Variants in TRERF1 observed in about 807,000 individuals in gnomAD.
The protein encoded by TRERF1 is transcriptional regulating factor 1, also known as transcriptional-regulating factor 1.
Under a neutral mutation model 122.9 loss-of-function variants are expected in TRERF1, and 27 were observed. The ratio of observed to expected loss-of-function variants is 0.22; its 90% CI spans 0.16 to 0.30. The LOEUF (loss-of-function observed/expected upper bound fraction) is 0.30, where lower values mean the gene tolerates loss of function less well. Ranked by LOEUF, TRERF1 falls within the 10% of genes least tolerant of loss-of-function variation. TRERF1 has a pLI of 1.00. For missense variants in TRERF1, 1,248 were observed against 1,560.3 expected (o/e 0.80, Z 3.37); for synonymous variants, 636 against 641.7 (o/e 0.99, Z 0.13).
At chr6:42,296,997 T>G (rs1785218698) in intron 4 of TRERF1, among the ~76,000 whole-genome samples, 1 of 152,220 alleles carries the variant, frequency 6.6e-6, no homozygotes, top group African/African-American at 2.4e-5. Context: ...AACATTTTGG[T>G]AGCAACTCAT....
Position 42,232,976 on chromosome 6 carries a change from T to G in TRERF1, c.3067-84A>C. On this transcript the variant is annotated intron_variant, in intron 16 of 17. Coordinates refer to ENST00000372922, the Ensembl canonical transcript of TRERF1. The surrounding 1 kb of genome is among the most constrained non-coding windows in gnomAD (Gnocchi z 4.5). ...TAGTTACTCAGTGGTAAACATGGAA[T>G]ACTTGAAACTGTCTAATGACAGGGC... is the stretch of plus-strand genomic sequence containing the variant. The G allele has an allele frequency of 6.8e-7, 1 of 1,466,352 alleles. No individual in the cohort carries two copies. The highest frequency in any genetic ancestry group is 9.1e-7 in the Non-Finnish European group (1 of 1,104,820). The allele number at this position is 1,466,352 out of a possible 1,614,324, so 90.8% of individuals were successfully genotyped here.
chr6:42,254,759 C>T (rs997701061), intron 13 of TRERF1, 92 bp downstream of exon 13: 108 of 1,166,888 alleles, frequency 9.3e-5, no homozygotes, highest in Non-Finnish European at 9.5e-5. Flanking sequence ...AGGACAGAAC[C>T]GGTGTTATCC....
chr6:42,400,733 G>C (rs1171384735), intron 2 of TRERF1, among the ~76,000 whole-genome samples: 1 of 152,180 alleles, frequency 6.6e-6, no homozygotes, highest in East Asian at 1.9e-4. Context: ...AATAAAAAAG[G>C]AGGCAGGTGT....
At chr6:42,302,768 A>G (rs1786447665) in intron 3 of TRERF1, among the ~76,000 whole-genome samples, 1 of 152,246 alleles carries the variant, frequency 6.6e-6, no homozygotes, top group African/African-American at 2.4e-5. Flanking sequence ...GGAGCTAAGC[A>G]TGGCACGGGT....
chr6:42,369,918 G>A (rs1773465212), intron 2 of TRERF1, among the ~76,000 whole-genome samples: 1 of 152,092 alleles, frequency 6.6e-6, no homozygotes, highest in African/African-American at 2.4e-5. Context: ...AGTCTCTTCT[G>A]TAACCACAAA....
In TRERF1 at chr6:42,269,433, A is replaced by C; in HGVS notation, c.158T>G (p.Ile53Ser). The C allele has an allele frequency of 6.2e-7, 1 of 1,614,086 alleles. No homozygotes were observed. Reference sequence around the variant, plus strand: ...TGTATCTTGAGGGAAGTGGGGGGAGATTGGCGAGGCCTGAGGGGCATCCAT... The same window carrying C: ...TGTATCTTGAGGGAAGTGGGGGGAGCTTGGCGAGGCCTGAGGGGCATCCAT... The change falls in exon 5 of 18, where the codon ATC becomes AGC. Residue 53 changes from isoleucine to serine, a missense_variant. By Grantham distance (142) the Ile-to-Ser change is moderately radical. This residue lies in a region of TRERF1 where 946 missense variants were observed against 1,073.0 expected (regional missense o/e 0.88). Transcript: ENST00000372922. The surrounding 1 kb of genome is among the most constrained non-coding windows in gnomAD (Gnocchi z 4.9).
intron 3 of TRERF1, among the ~76,000 whole-genome samples, chr6:42,308,168 A>G (rs1257946641): frequency 6.6e-6 from 1 of 152,232 alleles, no homozygotes; most frequent in African/African-American, 2.4e-5. Flanking sequence ...CTTGCACACA[A>G]ATGTTCCTAG....
chr6:42,251,539 T>A (rs971527201), intron 13 of TRERF1, among the ~76,000 whole-genome samples: 7 of 152,120 alleles, frequency 4.6e-5, no homozygotes, highest in East Asian at 1.9e-4. Context: ...TTTTTTTTTT[T>A]AATTTAAACC....
intron 3 of TRERF1, among the ~76,000 whole-genome samples, chr6:42,344,270 G>C (rs910639000): frequency 1.3e-5 from 2 of 152,134 alleles, no homozygotes; most frequent in African/African-American, 2.4e-5. Context: ...TGTCCTCTTC[G>C]CAGGTCAGGT....
chr6:42,302,340 A>C (rs1786357601), intron 3 of TRERF1, among the ~76,000 whole-genome samples: 2 of 152,250 alleles, frequency 1.3e-5, no homozygotes. Flanking sequence ...AGGCATTACA[A>C]GTCATTTTCA....
chr6:42,443,713 C>A (rs531170277), intron 2 of TRERF1, among the ~76,000 whole-genome samples: 104 of 152,274 alleles, frequency 6.8e-4, no homozygotes, highest in Non-Finnish European at 1.2e-3. Flanking sequence ...GGCCAGCCTT[C>A]CGACAAGAAG....
At chr6:42,344,995 T>G (rs141111242) in intron 3 of TRERF1, among the ~76,000 whole-genome samples, 2 of 152,352 alleles carry the variant, frequency 1.3e-5, no homozygotes, top group Admixed American at 6.5e-5. Context: ...CATGTGGTAT[T>G]TGCTGAATGA....
chr6:42,279,697 G>A (rs773085167), intron 4 of TRERF1, among the ~76,000 whole-genome samples: 64 of 152,220 alleles, frequency 4.2e-4, no homozygotes, highest in East Asian at 7.7e-4. Context: ...GGTGGCTGGC[G>A]CTGTCACCAC....
intron 3 of TRERF1, among the ~76,000 whole-genome samples, chr6:42,316,134 G>A (rs1370159462): frequency 6.6e-6 from 1 of 152,066 alleles, no homozygotes; most frequent in African/African-American, 2.4e-5. Context: ...TAATTTCTCC[G>A]CCAAAGTCAA....
intron 15 of TRERF1, among the ~76,000 whole-genome samples, chr6:42,238,868 C>CACACACACAT (rs1554124375): frequency 6.8e-6 from 1 of 148,122 alleles, no homozygotes; most frequent in African/African-American, 2.6e-5. Flanking sequence ...CACACACACA[C>CACACACACAT]ACAATTTCTA....
chr6:42,451,012 G>C (rs1036575149), intron 2 of TRERF1, among the ~76,000 whole-genome samples, 165 bp downstream of exon 2: 2 of 152,112 alleles, frequency 1.3e-5, no homozygotes, highest in Admixed American at 1.3e-4. Context: ...GAGGGAAGAA[G>C]GGAAGAAGGG....
At chr6:42,435,374 A>T (rs1007890745) in intron 2 of TRERF1, among the ~76,000 whole-genome samples, 1 of 152,006 alleles carries the variant, frequency 6.6e-6, no homozygotes, top group Non-Finnish European at 1.5e-5. Context: ...TACAGAGCCG[A>T]GTGCATCTAC....
chr6:42,409,440 T>A (rs115051722), intron 2 of TRERF1, among the ~76,000 whole-genome samples: 1,959 of 152,346 alleles, frequency 0.013, 33 homozygotes, highest in East Asian at 0.089. Flanking sequence ...CAAAACATCC[T>A]TTGATATGCA....
intron 4 of TRERF1, among the ~76,000 whole-genome samples, chr6:42,295,270 C>T (rs1215013047): frequency 6.6e-6 from 1 of 152,150 alleles, no homozygotes; most frequent in Non-Finnish European, 1.5e-5. Context: ...TTTAAAGTTG[C>T]CAATCCCTGT....
Sources: gnomAD v4.1 joint callset for allele counts (sites outside exome capture counted in the v4.1 genomes callset) on GRCh38, gnomAD v4.1.1 for gene constraint, gnomAD v4.1.1 regional missense constraint, Gnocchi (gnomAD v3.1) non-coding constraint, MANE v1.5 for transcripts, NCBI Gene and HGNC (gene_info 2026-07-23, HGNC 2026-07-21) for gene names.